The following ARID5B variants were observed in gnomAD, a reference collection of about 807,000 sequenced individuals.
ARID5B encodes the protein AT-rich interactive domain-containing protein 5B.
In ARID5B, 13 loss-of-function variants were observed where a neutral mutation model predicts 97.2. The observed-to-expected ratio is 0.13, with a 90% CI of 0.09 to 0.21. The LOEUF is 0.21. Ranked by LOEUF, ARID5B falls within the 10% of genes least tolerant of loss-of-function variation. ARID5B has a pLI of 1.00. For missense variants in ARID5B, 1,210 were observed against 1,465.3 expected (o/e 0.83, Z 2.84); for synonymous variants, 556 against 570.3 (o/e 0.97, Z 0.36).
chr10:62,058,071 C>T (rs1839879641), intron 6 of ARID5B, among the ~76,000 whole-genome samples: 1 of 152,148 alleles, frequency 6.6e-6, no homozygotes. Flanking sequence ...AACCATGTGT[C>T]ATTTTGATGA....
At chr10:62,066,003 T>C (rs1028940407) in intron 7 of ARID5B, among the ~76,000 whole-genome samples, 1 of 152,102 alleles carries the variant, frequency 6.6e-6, no homozygotes, top group Non-Finnish European at 1.5e-5. Context: ...TTAGATCAAA[T>C]TTTCCAGCTG....
At chr10:62,009,931 C>G (rs960963579) in intron 4 of ARID5B, among the ~76,000 whole-genome samples, 7 of 152,300 alleles carry the variant, frequency 4.6e-5, no homozygotes, top group African/African-American at 1.7e-4. Context: ...GGAAAATACT[C>G]TGGACTTTGA....
At chr10:61,948,322 A>G (rs1838269869) in intron 3 of ARID5B, among the ~76,000 whole-genome samples, 1 of 148,568 alleles carries the variant, frequency 6.7e-6, no homozygotes, top group African/African-American at 2.5e-5. Flanking sequence ...CTTCCCTAAG[A>G]TGTGCTTTCA....
intron 4 of ARID5B, among the ~76,000 whole-genome samples, chr10:62,028,041 G>A (rs1488302306): frequency 1.3e-5 from 2 of 152,200 alleles, no homozygotes; most frequent in Non-Finnish European, 2.9e-5. Context: ...GAATGTTGAA[G>A]GGATGGATGA....
intron 2 of ARID5B, among the ~76,000 whole-genome samples, chr10:61,917,074 G>T (rs1843920046): frequency 6.6e-6 from 1 of 151,876 alleles, no homozygotes; most frequent in Non-Finnish European, 1.5e-5. Flanking sequence ...GCTAAGCGGG[G>T]AGGATCACTT....
intron 2 of ARID5B, among the ~76,000 whole-genome samples, chr10:61,913,424 A>C (rs918814211): frequency 1.3e-5 from 2 of 152,230 alleles, no homozygotes; most frequent in Admixed American, 1.3e-4. Flanking sequence ...GAGAAGAACA[A>C]ATCCAGCCCT....
At position 62,071,567 on chromosome 10, in the gene ARID5B, A is replaced by AAAAGAG. The variant is rs1554849729; in HGVS notation, c.1199+1771_1199+1772insAAGAGA. On this transcript the variant is annotated intron_variant, in intron 8 of 9. Transcript: ENST00000279873. ...AGTATCACATGGTAAAAAAAAAAAA[A>AAAAGAG]AGAGAGAAGGTTTGGCATGGAGAGA... 5.8e-3 allele frequency among the ~76,000 whole-genome samples: 852 copies of AAAAGAG among 146,876 alleles called. 5 individuals are homozygous for AAAAGAG. Among genetic ancestry groups the AAAAGAG allele is most frequent in the African/African-American group, 0.018 (724 of 40,068 alleles).
Position 62,092,217 on chromosome 10 carries a change from C to G in ARID5B, c.2754C>G (p.Thr918=), listed in dbSNP as rs61743661. ...LSLPKNPHKP[T]GKVLGLAHST... Reference sequence around the variant, plus strand: ...TTCCCAAGAACCCGCACAAACCTACCGGCAAGGTCCTGGGCCTGGCTCATT... The same window carrying G: ...TTCCCAAGAACCCGCACAAACCTACGGGCAAGGTCCTGGGCCTGGCTCATT... Residue 918 remains threonine, a synonymous_variant, in exon 10 of 10, where the codon ACC becomes ACG. Transcript: ENST00000279873. 1.9e-6 allele frequency: 3 copies of G among 1,610,888 alleles called. No individual in the cohort carries two copies. The highest frequency in any genetic ancestry group is 2.7e-5 in the African/African-American group (2 of 74,904).
chr10:62,071,609 TA>T (rs1264114272), intron 8 of ARID5B, among the ~76,000 whole-genome samples: 1 of 140,828 alleles, frequency 7.1e-6, no homozygotes, highest in African/African-American at 2.5e-5. Context: ...CAACCCATAG[TA>T]GTGTGTGTGT....
chr10:61,910,396 T>C (rs1843781371), intron 2 of ARID5B, among the ~76,000 whole-genome samples: 1 of 152,248 alleles, frequency 6.6e-6, no homozygotes, highest in South Asian at 2.1e-4. Context: ...AGAATAATAC[T>C]GTAGCTAGTG....
At chr10:62,066,521 C>G (rs1839991499) in intron 7 of ARID5B, among the ~76,000 whole-genome samples, 1 of 152,164 alleles carries the variant, frequency 6.6e-6, no homozygotes, top group South Asian at 2.1e-4. Flanking sequence ...ATGATCCTCA[C>G]TGGTAAAAAC....
intron 4 of ARID5B, among the ~76,000 whole-genome samples, chr10:62,029,500 A>C (rs1839467070): frequency 6.6e-6 from 1 of 152,252 alleles, no homozygotes; most frequent in Non-Finnish European, 1.5e-5. Flanking sequence ...TATTGGATCT[A>C]AGGCCAAGAA....
chr10:62,039,360 G>A (rs907418075), intron 4 of ARID5B, among the ~76,000 whole-genome samples: 3 of 152,324 alleles, frequency 2.0e-5, no homozygotes, highest in Admixed American at 6.5e-5. Context: ...AAGCCTTTCT[G>A]CATGTTACTG....
rs1426332952 is a variant in ARID5B at position 62,057,204 on chromosome 10, G to T, written c.934G>T (p.Ala312Ser). The change falls in exon 6 of 10, where the codon GCC becomes TCC. Residue 312 changes from alanine (A) to serine (S), a missense_variant. Coordinates refer to ENST00000279873, the MANE Select transcript of ARID5B (RefSeq NM_032199.3). ...KVSNEEKPKV[A>S]IGEECRADEQ... ...CTCAAATGAAGAAAAACCAAAGGTT[G>T]CCATTGGTGAAGAGTGCAGGGCAGA... The T allele has an allele frequency of 6.2e-7, 1 of 1,613,882 alleles. No homozygotes were observed. The highest frequency in any genetic ancestry group is 1.1e-5 in the South Asian group (1 of 91,072).
At chr10:61,938,922 G>A (rs1037144291) in intron 2 of ARID5B, among the ~76,000 whole-genome samples, 2 of 147,350 alleles carry the variant, frequency 1.4e-5, no homozygotes, top group African/African-American at 2.5e-5. Flanking sequence ...TTCTTATTAT[G>A]TGAAGCTTAC....
intron 4 of ARID5B, among the ~76,000 whole-genome samples, chr10:62,021,217 T>A (rs1839353426): frequency 6.6e-6 from 1 of 151,904 alleles, no homozygotes; most frequent in African/African-American, 2.4e-5. Context: ...GATACATAGT[T>A]ATCGAAAATT....
intron 7 of ARID5B, among the ~76,000 whole-genome samples, chr10:62,065,114 A>G (rs1047178005): frequency 6.6e-6 from 1 of 152,168 alleles, no homozygotes; most frequent in Admixed American, 6.5e-5. Context: ...GTAAGCAATG[A>G]AAATTTTATG....
intron 4 of ARID5B, among the ~76,000 whole-genome samples, chr10:62,029,008 T>G (rs16912974): frequency 0.096 from 14,586 of 151,476 alleles, 900 homozygotes; most frequent in Admixed American, 0.21. Context: ...CATAAAATAT[T>G]TGCAAGAGAT....
rs1840378449 is a variant in ARID5B at position 62,091,806 on chromosome 10, A to T, written c.2343A>T (p.Ser781=). The change falls in exon 10 of 10, where the codon TCA becomes TCT. Residue 781 remains serine (S), a synonymous_variant. Transcript: ENST00000279873. ...TTAAGCATGAGAAACTGAGTCGATC[A>T]GATCCCCACCGCTGCAGCTTCTCCA... The part of the protein sequence containing the change: ...DIFKHEKLSR[S]DPHRCSFSKH... The T allele has an allele frequency of 6.2e-7, 1 of 1,614,142 alleles. No individual in the cohort carries two copies. The highest frequency in any genetic ancestry group is 1.7e-5 in the Admixed American group (1 of 60,022).
Sources: gnomAD v4.1 joint callset for allele counts (sites outside exome capture counted in the v4.1 genomes callset) on GRCh38, gnomAD v4.1.1 for gene constraint, MANE v1.5 for transcripts, NCBI Gene and HGNC (gene_info 2026-07-23, HGNC 2026-07-21) for gene names.